MAPKAP1: variants seen among roughly 807,000 people sequenced by gnomAD.
The protein encoded by MAPKAP1 is MAPK associated protein 1.
In MAPKAP1, 20 loss-of-function variants were observed where a neutral mutation model predicts 65.7. The observed-to-expected ratio is 0.30, with a 90% confidence interval of 0.21 to 0.44. The LOEUF (loss-of-function observed/expected upper bound fraction) is 0.44, where lower values mean the gene tolerates loss of function less well. Among genes scored for constraint, MAPKAP1 ranks in the 20% least tolerant of loss-of-function variants. The pLI, the probability that MAPKAP1 is intolerant of heterozygous loss-of-function variation, is 1.00. For missense variants in MAPKAP1, 423 were observed against 648.0 expected (o/e 0.65, Z 3.77); for synonymous variants, 222 against 244.3 (o/e 0.91, Z 0.85).
intron 5 of MAPKAP1, chr9:125,567,832 C>A (rs1200118413): frequency 6.6e-6 from 1 of 152,172 alleles, no homozygotes; most frequent in Non-Finnish European, 1.5e-5. Context: ...CTGGCAATGA[C>A]AGAAGTGACT....
At chr9:125,693,410 G>A (rs1231153765) in intron 1 of MAPKAP1, among the ~76,000 whole-genome samples, 3 of 105,800 alleles carry the variant, frequency 2.8e-5, no homozygotes, top group African/African-American at 4.4e-5. Flanking sequence ...GCGAAATTCC[G>A]CCTCAAAAAA....
chr9:125,594,788 G>A (rs990346974), intron 4 of MAPKAP1, among the ~76,000 whole-genome samples: 1 of 152,138 alleles, frequency 6.6e-6, no homozygotes, highest in Non-Finnish European at 1.5e-5. Flanking sequence ...CTAGAACACA[G>A]CAGGGGTTTC....
At chr9:125,559,933 C>T in intron 5 of MAPKAP1, 124 bp from the exon 6 acceptor site, 1 of 930,312 alleles carries the variant, frequency 1.1e-6, no homozygotes, top group East Asian at 2.7e-5. Flanking sequence ...CCTGGTGATA[C>T]AGTAAAAAAT....
chr9:125,655,982 T>C (rs1433177077), intron 4 of MAPKAP1, among the ~76,000 whole-genome samples: 2 of 152,194 alleles, frequency 1.3e-5, no homozygotes, highest in Non-Finnish European at 2.9e-5. Context: ...CAAGCAGAGT[T>C]CACAACCTTG....
At chr9:125,526,778 TC>T in intron 7 of MAPKAP1, among the ~76,000 whole-genome samples, 1 of 151,598 alleles carries the variant, frequency 6.6e-6, no homozygotes, top group Non-Finnish European at 1.5e-5. Flanking sequence ...TTTTCTTTTT[TC>T]TTTTTTCTTT....
At chr9:125,661,304 C>G (rs1050846449) in intron 3 of MAPKAP1, among the ~76,000 whole-genome samples, 4 of 152,074 alleles carry the variant, frequency 2.6e-5, no homozygotes, top group Non-Finnish European at 4.4e-5. Context: ...CTTCATTTAC[C>G]CTCTGACCCA....
intron 5 of MAPKAP1, among the ~76,000 whole-genome samples, chr9:125,579,654 C>A (rs1382222522): frequency 6.6e-6 from 1 of 152,208 alleles, no homozygotes; most frequent in East Asian, 1.9e-4. Flanking sequence ...GGCCACTCTT[C>A]ATGTGCATCC....
chr9:125,610,816 T>C (rs190741234), intron 4 of MAPKAP1, among the ~76,000 whole-genome samples: 1 of 152,272 alleles, frequency 6.6e-6, no homozygotes, highest in Non-Finnish European at 1.5e-5. Flanking sequence ...AGGTTCTAGG[T>C]AGAAGCAAAC....
chr9:125,588,375 G>A (rs901591196), intron 4 of MAPKAP1, among the ~76,000 whole-genome samples: 1 of 152,180 alleles, frequency 6.6e-6, no homozygotes, highest in African/African-American at 2.4e-5. Flanking sequence ...ACAGAAAGTA[G>A]ATTAGCGGTT....
chr9:125,645,589 T>C (rs1445838847), intron 4 of MAPKAP1, among the ~76,000 whole-genome samples: 2 of 151,896 alleles, frequency 1.3e-5, no homozygotes, highest in Admixed American at 6.6e-5. Flanking sequence ...ATGCAAAAAT[T>C]AGCCAGGCGT....
chr9:125,526,853 G>A (rs1320954343), intron 7 of MAPKAP1, among the ~76,000 whole-genome samples: 1 of 119,938 alleles, frequency 8.3e-6, no homozygotes, highest in African/African-American at 3.0e-5. Flanking sequence ...TCAGCTCACT[G>A]CAACCTTTGC....
At chr9:125,452,109 C>T (rs1215331252) in intron 10 of MAPKAP1, among the ~76,000 whole-genome samples, 1 of 151,894 alleles carries the variant, frequency 6.6e-6, no homozygotes, top group African/African-American at 2.4e-5. Context: ...CGCACCAGCC[C>T]GTTTTTTTGA....
intron 4 of MAPKAP1, among the ~76,000 whole-genome samples, chr9:125,586,927 T>C (rs943943668): frequency 6.6e-6 from 1 of 152,234 alleles, no homozygotes; most frequent in Non-Finnish European, 1.5e-5. Flanking sequence ...ACAGTCTTGA[T>C]GCTTCTTCCT....
At chr9:125,530,740 T>C (rs1829910059) in intron 7 of MAPKAP1, among the ~76,000 whole-genome samples, 1 of 152,254 alleles carries the variant, frequency 6.6e-6, no homozygotes, top group African/African-American at 2.4e-5. Context: ...AGGCTCATTC[T>C]ACCACAAGGT....
chr9:125,525,115 G>T (rs1829725762), intron 7 of MAPKAP1, among the ~76,000 whole-genome samples: 1 of 152,164 alleles, frequency 6.6e-6, no homozygotes, highest in African/African-American at 2.4e-5. Flanking sequence ...ACTCAAAGCA[G>T]TCATATTCAT....
In MAPKAP1 at chr9:125,595,371, G is replaced by A. The variant is rs1168693513; in HGVS notation, c.499-9644C>T. On this transcript the variant is annotated intron_variant, in intron 4 of 11. Transcript: ENST00000265960. The surrounding 1 kb of genome is among the most constrained non-coding windows in gnomAD (Gnocchi z 4.0). Reference sequence around the variant, plus strand: ...ACTTCTAATACACAGAATGTGAACAGATATAGAATTGAAATGTATGTATTT... The same window carrying A: ...ACTTCTAATACACAGAATGTGAACAAATATAGAATTGAAATGTATGTATTT... The A allele has an allele frequency of 4.1e-6, 1 of 242,532 alleles. No individual in the cohort carries two copies. The highest frequency in any genetic ancestry group is 6.8e-6 in the Non-Finnish European group (1 of 146,996). 15.0% of individuals were successfully genotyped at this position (242,532 alleles called of 1,614,324 possible). A position where few individuals can be genotyped will look rare whatever the true frequency, so the allele number is the denominator to read the frequency against.
intron 7 of MAPKAP1, among the ~76,000 whole-genome samples, chr9:125,538,835 TA>T (rs1830150210): frequency 6.6e-6 from 1 of 152,150 alleles, no homozygotes; most frequent in African/African-American, 2.4e-5. Flanking sequence ...GGGGAGCACA[TA>T]AGTGAATGTA....
At chr9:125,552,324 C>G (rs1164632573) in intron 6 of MAPKAP1, among the ~76,000 whole-genome samples, 1 of 152,194 alleles carries the variant, frequency 6.6e-6, no homozygotes, top group Non-Finnish European at 1.5e-5. Flanking sequence ...AGAGGGAAAG[C>G]TAGATAGATC....
intron 5 of MAPKAP1, among the ~76,000 whole-genome samples, chr9:125,584,021 C>T (rs1450442713): frequency 1.3e-5 from 2 of 151,978 alleles, no homozygotes; most frequent in East Asian, 3.9e-4. Flanking sequence ...CGAGATCGCG[C>T]CACTGCACTC....
Sources: gnomAD v4.1 joint callset for allele counts (sites outside exome capture counted in the v4.1 genomes callset) on GRCh38, gnomAD v4.1.1 for gene constraint, Gnocchi (gnomAD v3.1) non-coding constraint, MANE v1.5 for transcripts, NCBI Gene and HGNC (gene_info 2026-07-23, HGNC 2026-07-21) for gene names.